The following SERPINB8 variants were observed in gnomAD, a reference collection of about 807,000 sequenced individuals.
The protein encoded by SERPINB8 is serpin family B member 8.
SERPINB8 carries 25 observed loss-of-function variants against 35.3 expected under a neutral mutation model. That is an observed-to-expected ratio of 0.71 (90% CI 0.52 to 0.99). The LOEUF is 0.99. Ranked by LOEUF, SERPINB8 falls within the 50% of genes least tolerant of loss-of-function variation. The pLI, the probability that SERPINB8 is intolerant of heterozygous loss-of-function variation, is 0.00. For missense variants in SERPINB8, 484 were observed against 446.5 expected, an observed-to-expected ratio of 1.08 and a Z score of -0.76; for synonymous variants, 186 against 160.8, an observed-to-expected ratio of 1.16 and a Z score of -1.19.
At chr18:64,006,162 T>C (rs552782120), downstream of SERPINB8, among the ~76,000 whole-genome samples, 1 of 152,346 alleles carries the variant, frequency 6.6e-6, no homozygotes, top group African/African-American at 2.4e-5. Flanking sequence ...TTATGTCATC[T>C]GGATTCCGTG....
At position 63,985,187 on chromosome 18, in the gene SERPINB8, T is replaced by C; in HGVS notation, c.662T>C (p.Val221Ala). 1.2e-6 allele frequency: 2 copies of C among 1,614,192 alleles called. No individual in the cohort carries two copies. Among genetic ancestry groups the C allele is most frequent in the Non-Finnish European group, 1.7e-6 (2 of 1,180,032 alleles). Residue 221 changes from valine (V) to alanine (A), a missense_variant, in exon 6 of 7, where the codon GTG becomes GCG. Transcript: ENST00000397985. ...VHTQVLELPY[V>A]EEELSMVILL... ...ACCCAGGTCCTGGAGCTGCCCTATG[T>C]GGAAGAGGAGCTGAGCATGGTCATT...
chr18:63,997,036 G>A (rs1270901981), intron 1 of SERPINB8, among the ~76,000 whole-genome samples: 1 of 152,094 alleles, frequency 6.6e-6, no homozygotes, highest in East Asian at 1.9e-4. Flanking sequence ...TTTGCCATTC[G>A]ACTTACAGGT....
At chr18:63,996,497 AT>A (rs1331823949) in intron 1 of SERPINB8, among the ~76,000 whole-genome samples, 38 of 152,162 alleles carry the variant, frequency 2.5e-4, no homozygotes, top group Non-Finnish European at 5.3e-4. Context: ...TTTATGTGGA[AT>A]GGGTTGCAAT....
At chr18:63,998,940 A>T (rs1008335228) in intron 1 of SERPINB8, among the ~76,000 whole-genome samples, 1 of 152,188 alleles carries the variant, frequency 6.6e-6, no homozygotes, top group African/African-American at 2.4e-5. Flanking sequence ...AGAAACTTTG[A>T]TGGAACCCCA....
chr18:63,997,841 C>T (rs1026633438), intron 1 of SERPINB8, among the ~76,000 whole-genome samples: 4 of 152,202 alleles, frequency 2.6e-5, no homozygotes, highest in African/African-American at 4.8e-5. Context: ...TGGGTGCTCA[C>T]CAGAGAGCTC....
rs1160471785 is a variant in SERPINB8, at chr18:63,973,541, G to A, written c.-11+3371G>A. Among the ~76,000 whole-genome samples, 4 of 152,280 alleles carry A rather than the reference G, an allele frequency of 2.6e-5. No individual in the cohort carries two copies. In the East Asian group the frequency reaches 5.8e-4, roughly 22 times the overall value. On this transcript the variant is annotated intron_variant, in intron 1 of 6. Coordinates refer to ENST00000397985, the MANE Select transcript of SERPINB8 (RefSeq NM_002640.4). ...TTGGCTTTTGTTGCCATTGCTTTTG[G>A]TGTTTTAGTCATGAAGTCCTTGCCC... is the stretch of plus-strand genomic sequence containing the variant.
chr18:63,971,162 G>C (rs965352845), intron 1 of SERPINB8, among the ~76,000 whole-genome samples: 6 of 151,932 alleles, frequency 3.9e-5, no homozygotes, highest in Non-Finnish European at 8.8e-5. Flanking sequence ...TCTCCGTTTC[G>C]CGCGCGCGCT....
downstream of SERPINB8, among the ~76,000 whole-genome samples, chr18:64,007,644 C>G (rs755921822): frequency 6.6e-6 from 1 of 151,984 alleles, no homozygotes; most frequent in Non-Finnish European, 1.5e-5. Flanking sequence ...AAAATCATGG[C>G]GAAAGGTGAA....
At chr18:64,017,970 C>T (rs933747719) in intron 7 of SERPINB8, among the ~76,000 whole-genome samples, 7 of 152,176 alleles carry the variant, frequency 4.6e-5, no homozygotes, top group African/African-American at 1.4e-4. Context: ...ACAAACCATG[C>T]TGGTCACAAT....
At chr18:64,016,054 C>A (rs116838578) in intron 7 of SERPINB8, among the ~76,000 whole-genome samples, 2,209 of 152,276 alleles carry the variant, frequency 0.015, 58 homozygotes, top group African/African-American at 0.051. Context: ...AGACACTTTT[C>A]CCCCCTGGAA....
exon 8 of SERPINB8, chr18:64,018,912 CT>C (rs1373012131): frequency 1.3e-5 from 2 of 151,576 alleles, no homozygotes; most frequent in African/African-American, 4.8e-5. Flanking sequence ...TTTTTTAGTT[CT>C]AAGGATTCTA....
At chr18:63,995,670 G>T (rs746457996) in intron 1 of SERPINB8, among the ~76,000 whole-genome samples, 1 of 152,130 alleles carries the variant, frequency 6.6e-6, no homozygotes. Flanking sequence ...AATTACTGTC[G>T]CCTAGGCCAT....
downstream of SERPINB8, among the ~76,000 whole-genome samples, chr18:63,990,077 T>TG (rs1568281054): frequency 6.7e-6 from 1 of 148,868 alleles, no homozygotes; most frequent in African/African-American, 2.4e-5. Flanking sequence ...TCGTGTTTTT[T>TG]TTTTTTTTTT....
At chr18:63,992,339 T>A (rs538988925), downstream of SERPINB8, among the ~76,000 whole-genome samples, 2 of 152,362 alleles carry the variant, frequency 1.3e-5, no homozygotes, top group South Asian at 4.1e-4. Flanking sequence ...CTTTGGTAGC[T>A]TGTGTCTTTC....
At chr18:63,980,033 G>A (rs1053994947) in intron 3 of SERPINB8, 95 bp downstream of exon 3, 11 of 1,256,742 alleles carry the variant, frequency 8.8e-6, no homozygotes, top group African/African-American at 1.5e-5. Context: ...GACTTAAAAC[G>A]TGCTTGGAAT....
rs979136334 is a variant in SERPINB8, at chr18:63,988,544, A to T, written c.*1266A>T. 4 of 152,214 alleles carry T rather than the reference A, an allele frequency of 2.6e-5. No homozygotes were observed. Among genetic ancestry groups the T allele is most frequent in the African/African-American group, 9.7e-5 (4 of 41,442 alleles). The allele number at this position is 152,214 out of a possible 1,614,324, so 9.4% of individuals were successfully genotyped here. A position where few individuals can be genotyped will look rare whatever the true frequency, so the allele number is the denominator to read the frequency against. On this transcript the variant is annotated 3_prime_UTR_variant, in exon 7 of 7. Transcript: ENST00000397985. Reference sequence around the variant, plus strand: ...GAGCACATTTTGAGACTTCTTCCAAATTGGTCCCTAGAAAGTTACACTGGT... The same window carrying T: ...GAGCACATTTTGAGACTTCTTCCAATTTGGTCCCTAGAAAGTTACACTGGT...
At chr18:63,986,833 T>G in intron 6 of SERPINB8, 41 bp from the exon 7 acceptor site, 1 of 1,550,020 alleles carries the variant, frequency 6.5e-7, no homozygotes, top group Non-Finnish European at 8.7e-7. Context: ...TATCAGGCTA[T>G]TGTCATCTAA....
intron 1 of SERPINB8, among the ~76,000 whole-genome samples, chr18:63,998,592 T>G (rs911883273): frequency 6.6e-6 from 1 of 152,208 alleles, no homozygotes; most frequent in Non-Finnish European, 1.5e-5. Context: ...TTGTGCTGTG[T>G]GATTGATTGG....
rs769985101 is a variant in SERPINB8 at position 63,971,227 on chromosome 18, C to T, written c.-11+1057C>T. Among the ~76,000 whole-genome samples the T allele has an allele frequency of 2.0e-5, 3 of 152,190 alleles. No individual in the cohort carries two copies. The East Asian group carries it at 5.8e-4, about 29-fold the overall frequency. ...TTACTACCTCCAGATATTGGAAATT[C>T]CACAGAAATAGGTGGATTTCTTCCC... On this transcript the variant is annotated intron_variant, in intron 1 of 6. Coordinates refer to ENST00000397985, the MANE Select transcript of SERPINB8 (RefSeq NM_002640.4).
Sources: gnomAD v4.1 joint callset for allele counts (sites outside exome capture counted in the v4.1 genomes callset) on GRCh38, gnomAD v4.1.1 for gene constraint, MANE v1.5 for transcripts, NCBI Gene and HGNC (gene_info 2026-07-23, HGNC 2026-07-21) for gene names.